Variants in PARD3B observed in about 807,000 individuals in gnomAD.
PARD3B encodes par-3 family cell polarity regulator beta.
PARD3B carries 103 observed loss-of-function variants against 130.2 expected under a neutral mutation model. The observed-to-expected ratio is 0.79, with a 90% confidence interval of 0.67 to 0.93. The LOEUF (loss-of-function observed/expected upper bound fraction) is 0.93, where lower values mean the gene tolerates loss of function less well. PARD3B is among the 40% of genes least tolerant of loss of function. The pLI is 0.00. For missense variants in PARD3B, 1,609 were observed against 1,499.2 expected (o/e 1.07, Z -1.21); for synonymous variants, 583 against 553.2 (o/e 1.05, Z -0.76).
At chr2:205,030,035 T>C (rs1032267425) in intron 3 of PARD3B, among the ~76,000 whole-genome samples, 1 of 152,154 alleles carries the variant, frequency 6.6e-6, no homozygotes, top group Non-Finnish European at 1.5e-5. Context: ...ATAACTGTTC[T>C]GCAAAACAAA....
intron 2 of PARD3B, among the ~76,000 whole-genome samples, chr2:204,941,306 G>A (rs1176514414): frequency 3.3e-5 from 5 of 152,116 alleles, no homozygotes; most frequent in East Asian, 3.9e-4. Flanking sequence ...CCCGGAAGGC[G>A]GAGGTTGCAG....
chr2:204,969,538 C>A (rs1335942169), intron 3 of PARD3B, among the ~76,000 whole-genome samples: 1 of 152,084 alleles, frequency 6.6e-6, no homozygotes, highest in Non-Finnish European at 1.5e-5. Flanking sequence ...TTATAATTAG[C>A]AATTGTGTAG....
chr2:204,597,513 A>G (rs1039168877), intron 1 of PARD3B, among the ~76,000 whole-genome samples: 4 of 152,212 alleles, frequency 2.6e-5, no homozygotes, highest in African/African-American at 9.6e-5. Context: ...ATAATATTCT[A>G]CTGCTAACAT....
At position 204,664,503 on chromosome 2, in the gene PARD3B, A is replaced by G. The variant is rs2035944063; in HGVS notation, c.121-21678A>G. On this transcript the variant is annotated intron_variant, in intron 1 of 22. Transcript: ENST00000406610. The surrounding 1 kb of genome is among the most constrained non-coding windows in gnomAD (Gnocchi z 5.2). ...TTTGATCATTGGTCTGCTATATTGA[A>G]TGCTGATTTTTTTTTCCAGTTTGAC... Among the ~76,000 whole-genome samples, 1 of 152,174 alleles carries G rather than the reference A, an allele frequency of 6.6e-6. No individual in the cohort carries two copies. Among genetic ancestry groups the G allele is most frequent in the Admixed American group, 6.5e-5 (1 of 15,270 alleles).
intron 3 of PARD3B, among the ~76,000 whole-genome samples, chr2:204,981,265 A>G (rs563389628): frequency 1.3e-5 from 2 of 152,340 alleles, no homozygotes; most frequent in East Asian, 3.9e-4. Flanking sequence ...TTCACTGAAA[A>G]AAAAATAGAA....
chr2:205,159,633 C>A (rs974831121), intron 11 of PARD3B, among the ~76,000 whole-genome samples: 21 of 152,134 alleles, frequency 1.4e-4, no homozygotes, highest in Non-Finnish European at 2.9e-4. Flanking sequence ...CATAGGTTTC[C>A]AGGATTAAAT....
intron 2 of PARD3B, among the ~76,000 whole-genome samples, chr2:204,920,506 A>G (rs905764660): frequency 6.6e-5 from 10 of 152,342 alleles, no homozygotes; most frequent in African/African-American, 1.4e-4. Context: ...GAAGATCTCA[A>G]TTGAGGGTAG....
At chr2:204,811,367 C>A (rs2125523872) in intron 2 of PARD3B, among the ~76,000 whole-genome samples, 1 of 152,212 alleles carries the variant, frequency 6.6e-6, no homozygotes, top group Non-Finnish European at 1.5e-5. Context: ...TATGTATATA[C>A]TTTATCAAAC....
Position 205,158,630 on chromosome 2 carries a change from C to T in PARD3B, c.1435-92C>T, listed in dbSNP as rs2034324166. 5.4e-6 allele frequency: 7 copies of T among 1,287,946 alleles called. No homozygotes were observed. Among genetic ancestry groups the T allele is most frequent in the Non-Finnish European group, 7.6e-6 (7 of 922,120 alleles). The allele number at this position is 1,287,946 out of a possible 1,614,324, so 79.8% of individuals were successfully genotyped here. A position where few individuals can be genotyped will look rare whatever the true frequency, so the allele number is the denominator to read the frequency against. ...CTGTGAGAGGTCCAGTCATCCTGTC[C>T]TACTGATTGCATCTGTGTCTGGTCA... On this transcript the variant is annotated intron_variant, in intron 10 of 22. Transcript: ENST00000406610. This position sits in a 1 kb window ranked among gnomAD's most constrained non-coding sequence, Gnocchi z 5.4.
chr2:204,645,542 A>G (rs1481349287), intron 1 of PARD3B, among the ~76,000 whole-genome samples: 1 of 152,118 alleles, frequency 6.6e-6, no homozygotes, highest in Non-Finnish European at 1.5e-5. Flanking sequence ...TGCATATTCC[A>G]ACTTTAGGCC....
chr2:204,893,272 C>T (rs1247259673), intron 2 of PARD3B, among the ~76,000 whole-genome samples: 1 of 152,044 alleles, frequency 6.6e-6, no homozygotes, highest in African/African-American at 2.4e-5. Context: ...TGATCATTCC[C>T]AGGAGAGCTA....
intron 1 of PARD3B, among the ~76,000 whole-genome samples, chr2:204,682,201 A>G (rs897804474): frequency 6.6e-6 from 1 of 152,136 alleles, no homozygotes; most frequent in African/African-American, 2.4e-5. Context: ...AGGGATAGAA[A>G]TGGACCTGAT....
chr2:205,420,657 C>T (rs1476833948), intron 19 of PARD3B, among the ~76,000 whole-genome samples: 1 of 152,098 alleles, frequency 6.6e-6, no homozygotes, highest in Non-Finnish European at 1.5e-5. Flanking sequence ...TCATTAAAAC[C>T]ATAATTAATT....
intron 1 of PARD3B, among the ~76,000 whole-genome samples, chr2:204,650,698 G>A (rs2035446662): frequency 6.6e-6 from 1 of 152,132 alleles, no homozygotes; most frequent in Non-Finnish European, 1.5e-5. Flanking sequence ...GCTAAATGAT[G>A]ACAACTGTAT....
chr2:205,155,865 AT>A (rs2125706041), intron 10 of PARD3B, among the ~76,000 whole-genome samples: 1 of 152,208 alleles, frequency 6.6e-6, no homozygotes, highest in African/African-American at 2.4e-5. Context: ...GTGTCTGTTC[AT>A]GTCCTTCGCC....
intron 2 of PARD3B, among the ~76,000 whole-genome samples, chr2:204,782,318 T>C (rs1171870984): frequency 6.6e-6 from 1 of 151,978 alleles, no homozygotes; most frequent in Non-Finnish European, 1.5e-5. Context: ...AATGATGGTG[T>C]TTGCTTAATT....
Position 205,104,453 on chromosome 2 carries a change from G to T in PARD3B, c.532G>T (p.Glu178Ter). Reference sequence around the variant, plus strand: ...TTCCACGCAGAACTTGGAAGACAGAGAAGTTTTGAATGGTGTACAGACAGA... The same window carrying T: ...TTCCACGCAGAACTTGGAAGACAGATAAGTTTTGAATGGTGTACAGACAGA... ...PDSTQNLEDR[E>*]VLNGVQTELL... Residue 178 changes from glutamate (E) to a stop codon, truncating the protein, a stop_gained, in exon 5 of 23, where the codon GAA (glutamate) becomes TAA (stop). Transcript: ENST00000406610. LOFTEE classifies it high-confidence loss of function. The T allele has an allele frequency of 6.2e-7, 1 of 1,602,904 alleles. No homozygotes were observed. The highest frequency in any genetic ancestry group is 8.5e-7 in the Non-Finnish European group (1 of 1,169,972).
In PARD3B at chr2:204,642,885, G is replaced by A. The variant is rs1035870889; in HGVS notation, c.121-43296G>A. On this transcript the variant is annotated intron_variant, in intron 1 of 22. Transcript: ENST00000406610. ...TCCCAGCACTTTGGGAGGCCGAGGC[G>A]GGTGGATCACAAGGTCAGGAGACCA... Among the ~76,000 whole-genome samples, 52 of 151,136 alleles carry A rather than the reference G, an allele frequency of 3.4e-4. 1 individual carries two copies. The highest frequency in any genetic ancestry group is 1.3e-4 in the Non-Finnish European group (9 of 67,784).
At chr2:205,181,858 C>T (rs1025754674) in intron 13 of PARD3B, among the ~76,000 whole-genome samples, 4 of 152,168 alleles carry the variant, frequency 2.6e-5, no homozygotes, top group Non-Finnish European at 4.4e-5. Context: ...GACTGTACCT[C>T]GTACACTCAA....
Sources: allele counts gnomAD v4.1 joint callset (sites outside exome capture counted in the v4.1 genomes callset), GRCh38; gene constraint gnomAD v4.1.1; non-coding constraint Gnocchi (gnomAD v3.1); transcripts MANE v1.5; gene names NCBI Gene and HGNC (gene_info 2026-07-23, HGNC 2026-07-21).